MME: variants seen among roughly 807,000 people sequenced by gnomAD.
The protein encoded by MME is neprilysin.
Under a neutral mutation model 113.2 loss-of-function variants are expected in MME, and 98 were observed. The ratio of observed to expected loss-of-function variants is 0.87; its 90% CI spans 0.74 to 1.02. The LOEUF (loss-of-function observed/expected upper bound fraction) is 1.02. Ranked by LOEUF, MME falls within the 50% of genes least tolerant of loss-of-function variation. MME has a pLI of 0.00. For missense variants in MME, 836 were observed against 896.0 expected, an observed-to-expected ratio of 0.93 and a Z score of 0.86; for synonymous variants, 292 against 300.6, an observed-to-expected ratio of 0.97 and a Z score of 0.30.
At chr3:155,164,292 CA>C (rs1267734891) in intron 17 of MME, among the ~76,000 whole-genome samples, 4 of 151,938 alleles carry the variant, frequency 2.6e-5, no homozygotes, top group African/African-American at 9.7e-5. Context: ...GAGGCAAAAA[CA>C]GGGGGAAGAG....
At position 155,168,619 on chromosome 3, in the gene MME, A is replaced by T. The variant is rs1406355976; in HGVS notation, c.1908A>T (p.Gly636=). ...ACTTTTCCTGGGACCTGGCAGGTGG[A>T]CAGCACGTATGTCATTAGCATTCTC... The part of the protein sequence containing the change: ...YGNFSWDLAG[G]QHLNGINTLG... The change falls in exon 19 of 23, where the codon GGA becomes GGT. Residue 636 remains glycine, a synonymous_variant. Transcript: ENST00000360490. 6.2e-7 allele frequency: 1 copy of T among 1,613,824 alleles called. No individual in the cohort carries two copies. The highest frequency in any genetic ancestry group is 8.5e-7 in the Non-Finnish European group (1 of 1,179,824).
intron 16 of MME, among the ~76,000 whole-genome samples, chr3:155,152,044 C>A (rs1721974050): frequency 1.3e-5 from 2 of 152,158 alleles, no homozygotes; most frequent in African/African-American, 4.8e-5. Flanking sequence ...TTGCCTGTCT[C>A]ATGATGTGTG....
At chr3:155,056,724 C>T (rs1032573782) in intron 1 of MME, among the ~76,000 whole-genome samples, 1 of 152,036 alleles carries the variant, frequency 6.6e-6, no homozygotes, top group Non-Finnish European at 1.5e-5. Flanking sequence ...AATGGTATTT[C>T]TAGTTCTAGA....
At chr3:155,084,454 T>C in intron 2 of MME, 127 bp downstream of exon 2, 2 of 938,414 alleles carry the variant, frequency 2.1e-6, no homozygotes, top group Non-Finnish European at 3.4e-6. Context: ...AAGAGATTCA[T>C]TTATAAAATG....
chr3:155,087,005 GT>G (rs5853712), intron 3 of MME, among the ~76,000 whole-genome samples: 21,794 of 140,674 alleles, frequency 0.15, 2,787 homozygotes, highest in African/African-American at 0.37. Flanking sequence ...GTTTTTTTTT[GT>G]TTTTTTTTTT....
intron 16 of MME, among the ~76,000 whole-genome samples, chr3:155,153,462 G>T (rs538675238): frequency 6.6e-6 from 1 of 152,064 alleles, no homozygotes; most frequent in African/African-American, 2.4e-5. Context: ...AATACCCTTT[G>T]GTTACTTAAC....
intron 14 of MME, among the ~76,000 whole-genome samples, chr3:155,146,873 A>G (rs1289022902): frequency 1.3e-5 from 2 of 152,178 alleles, no homozygotes; most frequent in Admixed American, 6.6e-5. Context: ...TATGTGGAAC[A>G]ATGAGTTTTG....
At chr3:155,096,912 G>A (rs1716791448) in intron 3 of MME, among the ~76,000 whole-genome samples, 1 of 152,148 alleles carries the variant, frequency 6.6e-6, no homozygotes, top group Non-Finnish European at 1.5e-5. Context: ...TAGAGATGGA[G>A]TTTCACCATG....
intron 3 of MME, among the ~76,000 whole-genome samples, chr3:155,101,343 A>T (rs1226636513): frequency 6.6e-6 from 1 of 152,220 alleles, no homozygotes; most frequent in African/African-American, 2.4e-5. Flanking sequence ...AAGTGAAAAC[A>T]AAGAAGTGGG....
chr3:155,046,270 T>C (rs191860299), intron 1 of MME, among the ~76,000 whole-genome samples: 79 of 152,352 alleles, frequency 5.2e-4, no homozygotes, highest in South Asian at 2.3e-3. Context: ...CTTGTGAACC[T>C]AACTATCCAG....
chr3:155,043,401 G>C (rs1209489838), intron 1 of MME, among the ~76,000 whole-genome samples: 3 of 150,138 alleles, frequency 2.0e-5, no homozygotes, highest in Non-Finnish European at 4.4e-5. Flanking sequence ...GTGCGATCTT[G>C]GCTCACTGCA....
chr3:155,097,239 G>T (rs745723348), intron 3 of MME, among the ~76,000 whole-genome samples: 2 of 152,182 alleles, frequency 1.3e-5, no homozygotes, highest in Non-Finnish European at 2.9e-5. Context: ...AGATTCGGGG[G>T]TCATCAGCAT....
At chr3:155,173,321 A>G (rs2108377329) in intron 22 of MME, among the ~76,000 whole-genome samples, 1 of 138,476 alleles carries the variant, frequency 7.2e-6, no homozygotes, top group Admixed American at 7.0e-5. Flanking sequence ...AACACCTCTC[A>G]GGCAAGAAAG....
At chr3:155,036,275 T>G (rs1042606363) in intron 1 of MME, among the ~76,000 whole-genome samples, 6 of 152,354 alleles carry the variant, frequency 3.9e-5, no homozygotes, top group Admixed American at 3.9e-4. Flanking sequence ...CTTCGTTAGA[T>G]ATAATTCACA....
At chr3:155,032,125 G>GT (rs1158078488) in intron 1 of MME, among the ~76,000 whole-genome samples, 1 of 152,122 alleles carries the variant, frequency 6.6e-6, no homozygotes, top group Non-Finnish European at 1.5e-5. Flanking sequence ...TCTCACTGTA[G>GT]TTTTTAAAGA....
intron 1 of MME, among the ~76,000 whole-genome samples, chr3:155,042,242 T>C (rs569395927): frequency 1.3e-4 from 20 of 152,318 alleles, no homozygotes; most frequent in African/African-American, 4.8e-4. Flanking sequence ...TTCCTGACAA[T>C]TTTTATAATG....
intron 8 of MME, among the ~76,000 whole-genome samples, chr3:155,137,482 G>A (rs545361027): frequency 3.3e-5 from 5 of 152,228 alleles, no homozygotes; most frequent in South Asian, 2.1e-4. Context: ...CAAGGCAGGC[G>A]GATCACAATG....
intron 7 of MME, among the ~76,000 whole-genome samples, chr3:155,117,727 G>T (rs1718747362): frequency 6.6e-6 from 1 of 151,702 alleles, no homozygotes. Context: ...ATCATGAAAG[G>T]AATTGAACCC....
chr3:155,168,703 C>T, intron 19 of MME, 29 bp from the exon 20 acceptor site: 5 of 1,611,560 alleles, frequency 3.1e-6, no homozygotes, highest in Non-Finnish European at 2.5e-6. Context: ...CTTTTTTTAA[C>T]AATCCTAATA....
Sources: allele counts gnomAD v4.1 joint callset (sites outside exome capture counted in the v4.1 genomes callset), GRCh38; gene constraint gnomAD v4.1.1; transcripts MANE v1.5; gene names NCBI Gene and HGNC (gene_info 2026-07-23, HGNC 2026-07-21).